ZFAT: variants seen among roughly 807,000 people sequenced by gnomAD.
ZFAT encodes the protein zinc finger protein ZFAT.
In ZFAT, 64 loss-of-function variants were observed where a neutral mutation model predicts 117.7. That is an observed-to-expected ratio of 0.54 (90% CI 0.44 to 0.67). ZFAT has a LOEUF of 0.67. Ranked by LOEUF, ZFAT falls within the 30% of genes least tolerant of loss-of-function variation. The probability of loss-of-function intolerance (pLI) is 0.00; values close to 1 mark genes in which losing one functional copy is unlikely to be tolerated. For missense variants in ZFAT, 1,433 were observed against 1,584.5 expected, an observed-to-expected ratio of 0.90 and a Z score of 1.62; for synonymous variants, 679 against 615.0, an observed-to-expected ratio of 1.10 and a Z score of -1.54.
At chr8:134,524,185 C>T (rs952924015) in intron 12 of ZFAT, among the ~76,000 whole-genome samples, 4 of 152,192 alleles carry the variant, frequency 2.6e-5, no homozygotes, top group Non-Finnish European at 5.9e-5. Flanking sequence ...CATCTGTCCC[C>T]TCACCAAATA....
intron 11 of ZFAT, among the ~76,000 whole-genome samples, chr8:134,533,936 G>A (rs562478841): frequency 7.4e-4 from 113 of 152,310 alleles, no homozygotes; most frequent in Admixed American, 2.2e-3. Flanking sequence ...TCCACATGCT[G>A]TATGATTCCG....
At chr8:134,813,801 T>TACAC in the ZFAT span, among the ~76,000 whole-genome samples, 5,628 of 147,096 alleles carry the variant, frequency 0.038, 111 homozygotes, top group Middle Eastern at 0.045. Flanking sequence ...TTTGATTTTA[T>TACAC]ACACACACAC....
the ZFAT span, among the ~76,000 whole-genome samples, chr8:134,738,906 T>G: frequency 6.6e-6 from 1 of 152,312 alleles, no homozygotes; most frequent in East Asian, 1.9e-4. Flanking sequence ...ACAGAACCTG[T>G]GCTCAGAAGC....
intron 12 of ZFAT, among the ~76,000 whole-genome samples, chr8:134,530,613 TG>T (rs1170691022): frequency 1.3e-5 from 2 of 152,166 alleles, no homozygotes; most frequent in African/African-American, 4.8e-5. Flanking sequence ...TTGAAGGGAA[TG>T]GGGGGATAAA....
At chr8:134,571,592 G>C (rs2130798543) in intron 10 of ZFAT, among the ~76,000 whole-genome samples, 1 of 152,186 alleles carries the variant, frequency 6.6e-6, no homozygotes, top group South Asian at 2.1e-4. Flanking sequence ...GGCAAAAATA[G>C]GTCTTGACCA....
chr8:134,696,416 CATCGGGAGAATTACCTCGTAAACCT>C (rs1833845130), intron 1 of ZFAT: 1 of 985,498 alleles, frequency 1.0e-6, no homozygotes, highest in African/African-American at 1.7e-5. Context: ...TGGAAACTCG[CATCGGGAGAATTACCTCGTAAACCT>C]CCACCAAGGG....
At chr8:134,512,648 T>C (rs1245499079) in intron 13 of ZFAT, 47 bp from the exon 14 acceptor site, 5 of 1,586,980 alleles carry the variant, frequency 3.2e-6, no homozygotes, top group Admixed American at 3.6e-5. Context: ...AGATTGACTG[T>C]TGCCCAGAAG....
intron 1 of ZFAT, among the ~76,000 whole-genome samples, chr8:134,685,016 C>G (rs1833252439): frequency 6.6e-6 from 1 of 152,154 alleles, no homozygotes; most frequent in African/African-American, 2.4e-5. Flanking sequence ...AAAGTGGCAC[C>G]CCCACCCTCC....
At chr8:134,593,353 C>A (rs898617378) in intron 7 of ZFAT, among the ~76,000 whole-genome samples, 1 of 101,080 alleles carries the variant, frequency 9.9e-6, no homozygotes, top group South Asian at 3.6e-4. Context: ...GGGTACTGGG[C>A]GGGGGTGGTG....
chr8:134,597,087 T>G (rs1009119610), intron 7 of ZFAT, among the ~76,000 whole-genome samples: 2 of 151,992 alleles, frequency 1.3e-5, no homozygotes, highest in Non-Finnish European at 2.9e-5. Context: ...CCAAAAAAAA[T>G]CCACGTTAAC....
chr8:134,478,456 T>C lies in ZFAT; in HGVS notation c.*26A>G, dbSNP rs757960662. On this transcript the variant is annotated 3_prime_UTR_variant, in exon 16 of 16. Coordinates refer to ENST00000377838, the MANE Select transcript of ZFAT (RefSeq NM_020863.4). This position sits in a 1 kb window ranked among gnomAD's most constrained non-coding sequence, Gnocchi z 5.2. ...CCTGCAGAGCCTGGCAGCCCCGCCC[T>C]GTGGCCATCCGATGCCACATGTCCT... The C allele has an allele frequency of 1.3e-6, 2 of 1,547,788 alleles. No individual in the cohort carries two copies. Among genetic ancestry groups the C allele is most frequent in the Admixed American group, 3.9e-5 (2 of 51,122 alleles).
chr8:134,802,022 C>A, the ZFAT span, among the ~76,000 whole-genome samples: 1 of 152,154 alleles, frequency 6.6e-6, no homozygotes, highest in African/African-American at 2.4e-5. Flanking sequence ...AATCAATAAG[C>A]CCTCCAAGTA....
intron 7 of ZFAT, among the ~76,000 whole-genome samples, chr8:134,593,555 AC>A (rs1826684475): frequency 6.6e-6 from 1 of 152,136 alleles, no homozygotes; most frequent in Non-Finnish European, 1.5e-5. Context: ...GTTTGCTCTG[AC>A]GGAAATGGCC....
chr8:134,777,616 A>G, the ZFAT span, among the ~76,000 whole-genome samples: 1 of 152,192 alleles, frequency 6.6e-6, no homozygotes, highest in Non-Finnish European at 1.5e-5. Context: ...TGCTATTTAA[A>G]TGCAAGTTCT....
intron 15 of ZFAT, among the ~76,000 whole-genome samples, chr8:134,501,773 A>G (rs1324871698): frequency 6.6e-6 from 1 of 152,240 alleles, no homozygotes; most frequent in Admixed American, 6.5e-5. Flanking sequence ...TGTTTATAGT[A>G]GAAGTCAAAA....
At chr8:134,553,682 C>A (rs1016722491) in intron 11 of ZFAT, among the ~76,000 whole-genome samples, 1 of 152,118 alleles carries the variant, frequency 6.6e-6, no homozygotes, top group African/African-American at 2.4e-5. Flanking sequence ...AAGGAAGAAA[C>A]CAGGATGGAG....
chr8:134,649,201 AC>A (rs1554614274), intron 2 of ZFAT, among the ~76,000 whole-genome samples: 6 of 148,930 alleles, frequency 4.0e-5, no homozygotes, highest in African/African-American at 1.3e-4. Context: ...ACACACACAC[AC>A]CCCATCATAC....
intron 10 of ZFAT, among the ~76,000 whole-genome samples, chr8:134,577,714 T>C (rs1825410570): frequency 6.6e-6 from 1 of 152,070 alleles, no homozygotes; most frequent in African/African-American, 2.4e-5. Context: ...TACAATCTAG[T>C]GGAAGACACA....
In ZFAT at chr8:134,602,271, G is replaced by A. The variant is rs1827545692; in HGVS notation, c.1448C>T (p.Ala483Val). Residue 483 changes from alanine to valine, a missense_variant, in exon 6 of 16, where the codon GCT (alanine) becomes GTT (valine). Ala to Val is a moderately conservative substitution (Grantham distance 64, BLOSUM62 0). This residue lies in a region of ZFAT where 372 missense variants were observed against 355.6 expected (regional missense o/e 1.05). Coordinates refer to ENST00000377838, the MANE Select transcript of ZFAT (RefSeq NM_020863.4). ...LRTHIKEVHG[A>V]AQEALVFTSS... ...GGTGAAGACCAAGGCCTCCTGGGCA[G>A]CCCCGTGCACCTCTTTGATGTGGGT... 1 of 1,613,854 alleles carries A rather than the reference G, an allele frequency of 6.2e-7. No homozygotes were observed. Among genetic ancestry groups the A allele is most frequent in the Non-Finnish European group, 8.5e-7 (1 of 1,180,048 alleles).
Sources: gnomAD v4.1 joint callset for allele counts (sites outside exome capture counted in the v4.1 genomes callset) on GRCh38, gnomAD v4.1.1 for gene constraint, gnomAD v4.1.1 regional missense constraint, Gnocchi (gnomAD v3.1) non-coding constraint, MANE v1.5 for transcripts, NCBI Gene and HGNC (gene_info 2026-07-23, HGNC 2026-07-21) for gene names.